Variants in FUT8 observed in about 807,000 individuals in gnomAD.
The protein encoded by FUT8 is alpha-(1,6)-fucosyltransferase.
Under a neutral mutation model 71.3 loss-of-function variants are expected in FUT8, and 29 were observed. The observed-to-expected ratio is 0.41, with a 90% CI of 0.30 to 0.55. FUT8 has a LOEUF of 0.55. FUT8 is among the 20% of genes least tolerant of loss of function. The pLI, the probability that FUT8 is intolerant of heterozygous loss-of-function variation, is 0.34. For synonymous variants in FUT8, 254 were observed against 239.3 expected (o/e 1.06, Z -0.57); for missense variants, 544 against 702.1 (o/e 0.77, Z 2.55).
intron 2 of FUT8, among the ~76,000 whole-genome samples, chr14:65,477,583 C>T (rs1230004897): frequency 6.6e-6 from 1 of 152,076 alleles, no homozygotes; most frequent in African/African-American, 2.4e-5. Flanking sequence ...GTCTATCTGA[C>T]CTGCAGCTAA....
chr14:65,492,812 A>G lies in FUT8; in HGVS notation c.-228+37094A>G, dbSNP rs549306635. Among the ~76,000 whole-genome samples, 978 of 152,284 alleles carry G rather than the reference A, an allele frequency of 6.4e-3. 10 individuals carry two copies. Among genetic ancestry groups the G allele is most frequent in the Non-Finnish European group, 8.2e-3 (555 of 68,014 alleles). On this transcript the variant is annotated intron_variant, in intron 2 of 10. Transcript: ENST00000673929. ...ATTCAGCTTACCTATATTTTGGCTT[A>G]GGCAAAGAGTTACCCACCTGAATCT...
At chr14:65,599,955 G>C (rs1888210737) in intron 3 of FUT8, among the ~76,000 whole-genome samples, 1 of 152,130 alleles carries the variant, frequency 6.6e-6, no homozygotes, top group Non-Finnish European at 1.5e-5. Flanking sequence ...AAAGATTCTT[G>C]CTCTTTTGAG....
chr14:65,561,243 C>T, intron 2 of FUT8, 94 bp from the exon 3 acceptor site: 1 of 237,326 alleles, frequency 4.2e-6, no homozygotes, highest in Admixed American at 4.9e-5. Flanking sequence ...AACTTGTTGG[C>T]CAGTCAACAC....
rs576884992 is a variant in FUT8, at chr14:65,692,225, G to A, written c.835+22745G>A. On this transcript the variant is annotated intron_variant, in intron 7 of 10. Transcript: ENST00000673929. Reference sequence around the variant, plus strand: ...TCCCGGACGGGGCGGCTGGCCAGGCGGGGGGCTGACCCCCCCACCTCCCTC... The same window carrying A: ...TCCCGGACGGGGCGGCTGGCCAGGCAGGGGGCTGACCCCCCCACCTCCCTC... Among the ~76,000 whole-genome samples the A allele has an allele frequency of 3.7e-4, 56 of 150,698 alleles. 2 individuals carry two copies. In the East Asian group the frequency reaches 0.01, roughly 27 times the overall value.
At chr14:65,581,077 T>C (rs12879805) in intron 3 of FUT8, among the ~76,000 whole-genome samples, 53,825 of 151,956 alleles carry the variant, frequency 0.35, 11,895 homozygotes, top group Non-Finnish European at 0.5. Flanking sequence ...AAATAAAGCT[T>C]ACTGAACAGC....
chr14:65,388,016 A>G, the FUT8 span, among the ~76,000 whole-genome samples: 1 of 152,210 alleles, frequency 6.6e-6, no homozygotes, highest in Non-Finnish European at 1.5e-5. Context: ...CTTATTTATA[A>G]GATGAAGAGG....
chr14:65,589,049 C>G (rs1887542534), intron 3 of FUT8, among the ~76,000 whole-genome samples: 1 of 152,126 alleles, frequency 6.6e-6, no homozygotes, highest in Non-Finnish European at 1.5e-5. Context: ...CTCCTCTTTC[C>G]CCTACTCCCT....
Position 65,490,811 on chromosome 14 carries a change from A to G in FUT8, c.-228+35093A>G, listed in dbSNP as rs572102917. 6.4e-4 allele frequency among the ~76,000 whole-genome samples: 98 copies of G among 152,240 alleles called. 1 individual carries two copies. In the Middle Eastern group the frequency reaches 0.02, roughly 32 times the overall value. On this transcript the variant is annotated intron_variant, in intron 2 of 10. Transcript: ENST00000673929. Reference sequence around the variant, plus strand: ...AAGACTGTGGCAAAAAGCAAGGTTTAGAGCCTTTTTCCCTTTCCGAGTTAA... The same window carrying G: ...AAGACTGTGGCAAAAAGCAAGGTTTGGAGCCTTTTTCCCTTTCCGAGTTAA...
At chr14:65,733,003 G>A (rs1594948389) in intron 9 of FUT8, among the ~76,000 whole-genome samples, 1 of 152,162 alleles carries the variant, frequency 6.6e-6, no homozygotes, top group East Asian at 1.9e-4. Context: ...ATTTTGATGT[G>A]TGTATGTGTG....
In FUT8 at chr14:65,627,523, C is replaced by T. The variant is rs1210015945; in HGVS notation, c.483-1969C>T. ...GGGCCTGTATATATTGCTATGGTTCCGGGGTTTGCATTTCTTCTTACCTGA... is the reference window on the plus strand; with the variant it reads ...GGGCCTGTATATATTGCTATGGTTCTGGGGTTTGCATTTCTTCTTACCTGA... On this transcript the variant is annotated intron_variant, in intron 5 of 10. Transcript: ENST00000673929. This position sits in a 1 kb window ranked among gnomAD's most constrained non-coding sequence, Gnocchi z 4.0. 2.6e-5 allele frequency among the ~76,000 whole-genome samples: 4 copies of T among 152,176 alleles called. No individual in the cohort carries two copies. Among genetic ancestry groups the T allele is most frequent in the Non-Finnish European group, 5.9e-5 (4 of 68,034 alleles).
rs376631546 is a variant in FUT8 at position 65,489,125 on chromosome 14, G to A, written c.-228+33407G>A. Among the ~76,000 whole-genome samples, 13 of 152,210 alleles carry A rather than the reference G, an allele frequency of 8.5e-5. 1 individual carries two copies. In the East Asian group the frequency reaches 1.4e-3, roughly 16 times the overall value. On this transcript the variant is annotated intron_variant, in intron 2 of 10. Transcript: ENST00000673929. This position sits in a 1 kb window ranked among gnomAD's most constrained non-coding sequence, Gnocchi z 4.0. The stretch of plus-strand genomic sequence containing the variant: ...GATTAGAAAGTTATGATTTTTTGTT[G>A]TTCAGCAAATTATCATGAAAAATTC...
intron 2 of FUT8, among the ~76,000 whole-genome samples, chr14:65,527,285 A>C (rs1309614546): frequency 6.6e-6 from 1 of 151,702 alleles, no homozygotes. Flanking sequence ...TTTTGTCTAA[A>C]CTTCTCTTCT....
chr14:65,659,173 G>GTGTTTTT (rs1022823918), intron 6 of FUT8, among the ~76,000 whole-genome samples: 2 of 151,758 alleles, frequency 1.3e-5, no homozygotes, highest in East Asian at 3.9e-4. Context: ...TGATCTTGAG[G>GTGTTTTT]TGTTTTTTGT....
chr14:65,358,058 C>T, the FUT8 span, among the ~76,000 whole-genome samples: 1 of 151,992 alleles, frequency 6.6e-6, no homozygotes, highest in Non-Finnish European at 1.5e-5. Flanking sequence ...GGGAGGAGAA[C>T]AGGAGAGGTT....
intron 1 of FUT8, among the ~76,000 whole-genome samples, chr14:65,442,518 A>ATAC (rs1566750118): frequency 1.3e-5 from 2 of 148,764 alleles, no homozygotes; most frequent in Non-Finnish European, 1.5e-5. Context: ...GACCATCATA[A>ATAC]ATACATACAT....
intron 7 of FUT8, among the ~76,000 whole-genome samples, chr14:65,686,601 ATGAT>A (rs1229078916): frequency 1.3e-5 from 2 of 152,192 alleles, no homozygotes; most frequent in African/African-American, 4.8e-5. Flanking sequence ...AGTTTGTACA[ATGAT>A]TGATTTTTGT....
At chr14:65,617,493 C>T (rs929618961) in intron 5 of FUT8, among the ~76,000 whole-genome samples, 4 of 152,128 alleles carry the variant, frequency 2.6e-5, no homozygotes, top group Non-Finnish European at 4.4e-5. Flanking sequence ...ATTCTAGGCA[C>T]GAAGCATCTC....
At chr14:65,396,399 G>A in the FUT8 span, among the ~76,000 whole-genome samples, 1 of 152,212 alleles carries the variant, frequency 6.6e-6, no homozygotes, top group East Asian at 1.9e-4. This position sits in a 1 kb window ranked among gnomAD's most constrained non-coding sequence, Gnocchi z 5.5. Context: ...TGGCTGGGGA[G>A]GCCTCACAAT....
chr14:65,432,483 G>C (rs757127060), intron 1 of FUT8, among the ~76,000 whole-genome samples: 9 of 148,606 alleles, frequency 6.1e-5, no homozygotes, highest in Non-Finnish European at 1.2e-4. Flanking sequence ...AGATTCATTC[G>C]CTTGTCAAAC....
Sources: allele counts gnomAD v4.1 joint callset (sites outside exome capture counted in the v4.1 genomes callset), GRCh38; gene constraint gnomAD v4.1.1; non-coding constraint Gnocchi (gnomAD v3.1); transcripts MANE v1.5; gene names NCBI Gene and HGNC (gene_info 2026-07-23, HGNC 2026-07-21).